PKNOX2: variants seen among roughly 807,000 people sequenced by gnomAD.
PKNOX2 encodes PBX/knotted 1 homeobox 2.
In PKNOX2, 14 loss-of-function variants were observed where a neutral mutation model predicts 53.1. The ratio of observed to expected loss-of-function variants is 0.26; its 90% CI spans 0.17 to 0.41. PKNOX2 has a LOEUF of 0.41. Among genes scored for constraint, PKNOX2 ranks in the 10% least tolerant of loss-of-function variants. The pLI is 1.00. For synonymous variants in PKNOX2, 257 were observed against 242.8 expected, an observed-to-expected ratio of 1.06 and a Z score of -0.54; for missense variants, 496 against 602.8, an observed-to-expected ratio of 0.82 and a Z score of 1.85.
chr11:125,368,154 T>A (rs1472963302), intron 5 of PKNOX2, among the ~76,000 whole-genome samples, 169 bp downstream of exon 5: 2 of 152,170 alleles, frequency 1.3e-5, no homozygotes, highest in African/African-American at 4.8e-5. Flanking sequence ...CCCTCAGCTG[T>A]CCACAGTGAC....
intron 7 of PKNOX2, among the ~76,000 whole-genome samples, chr11:125,401,645 C>G (rs1219185551): frequency 1.3e-5 from 2 of 152,164 alleles, no homozygotes; most frequent in Non-Finnish European, 2.9e-5. Flanking sequence ...CTTGCATGGG[C>G]TCTCCCAGGA....
chr11:125,176,995 C>G (rs1955760160), intron 1 of PKNOX2, among the ~76,000 whole-genome samples: 1 of 152,196 alleles, frequency 6.6e-6, no homozygotes, highest in Non-Finnish European at 1.5e-5. Flanking sequence ...TGGTGATAAC[C>G]TTGCGATGTT....
intron 1 of PKNOX2, among the ~76,000 whole-genome samples, chr11:125,213,802 C>T (rs988838554): frequency 7.2e-5 from 11 of 152,052 alleles, no homozygotes; most frequent in Non-Finnish European, 1.2e-4. Context: ...TCAAATTCTA[C>T]GGCAATTCTG....
chr11:125,416,046 G>A (rs1196440691), intron 10 of PKNOX2, among the ~76,000 whole-genome samples: 1 of 152,148 alleles, frequency 6.6e-6, no homozygotes, highest in Non-Finnish European at 1.5e-5. Context: ...GCTCACGCCT[G>A]TAATCCCAGC....
At chr11:125,348,634 T>C (rs1951124825) in intron 3 of PKNOX2, among the ~76,000 whole-genome samples, 1 of 152,220 alleles carries the variant, frequency 6.6e-6, no homozygotes, top group African/African-American at 2.4e-5. Context: ...CTCCCCTCCT[T>C]AACCCCACAC....
intron 1 of PKNOX2, among the ~76,000 whole-genome samples, chr11:125,199,330 GCCCAGGTACC>G (rs1281090269): frequency 6.6e-6 from 1 of 152,134 alleles, no homozygotes; most frequent in Non-Finnish European, 1.5e-5. Flanking sequence ...TCCCACCATT[GCCCAGGTACC>G]CCCTTCTTGT....
At chr11:125,265,568 C>T (rs1016816274) in intron 2 of PKNOX2, among the ~76,000 whole-genome samples, 2 of 152,182 alleles carry the variant, frequency 1.3e-5, no homozygotes, top group Non-Finnish European at 1.5e-5. Context: ...TGCCGCCTCA[C>T]CCTGCTGGCT....
At chr11:125,200,532 G>A (rs1473490510) in intron 1 of PKNOX2, among the ~76,000 whole-genome samples, 1 of 152,050 alleles carries the variant, frequency 6.6e-6, no homozygotes, top group Non-Finnish European at 1.5e-5. Context: ...GCACCATGCC[G>A]CCCCCTGAGC....
chr11:125,356,038 C>G lies in PKNOX2; in HGVS notation c.87+4646C>G, dbSNP rs565177107. On this transcript the variant is annotated intron_variant, in intron 4 of 12. Transcript: ENST00000298282. ...CACTCTCACTATCAGCACCCCCCCCCCCACAACTTTTCCTCAAACACAGAC... is the reference window on the plus strand; with the variant it reads ...CACTCTCACTATCAGCACCCCCCCCGCCACAACTTTTCCTCAAACACAGAC... Among the ~76,000 whole-genome samples the G allele has an allele frequency of 9.0e-3, 1,332 of 148,754 alleles. 18 individuals are homozygous for G. Among genetic ancestry groups the G allele is most frequent in the African/African-American group, 0.03 (1,223 of 41,020 alleles).
At chr11:125,408,873 GCTT>G (rs1355917833) in intron 7 of PKNOX2, among the ~76,000 whole-genome samples, 1 of 152,152 alleles carries the variant, frequency 6.6e-6, no homozygotes, top group Non-Finnish European at 1.5e-5. Context: ...GAAGACCCAA[GCTT>G]CTTCAAGTCC....
intron 1 of PKNOX2, among the ~76,000 whole-genome samples, chr11:125,197,722 G>T (rs1937903311): frequency 6.6e-6 from 1 of 152,180 alleles, no homozygotes; most frequent in South Asian, 2.1e-4. Flanking sequence ...GGGTTAGCTG[G>T]AAAGTCCCCA....
At chr11:125,243,210 C>T (rs1285512100) in intron 2 of PKNOX2, among the ~76,000 whole-genome samples, 1 of 152,182 alleles carries the variant, frequency 6.6e-6, no homozygotes, top group Non-Finnish European at 1.5e-5. Flanking sequence ...TCATCTAGGC[C>T]TGATTTGAAC....
At position 125,189,447 on chromosome 11, in the gene PKNOX2, G is replaced by GTGTGTGTGTA. The variant is rs1256963392; in HGVS notation, c.-201+24672_-201+24673insGTGTGTGTAT. On this transcript the variant is annotated intron_variant, in intron 1 of 12. Transcript: ENST00000298282. ...TGTGTGTGTGTGTGTGTGTGTGTGT[G>GTGTGTGTGTA]TATATATATATATATATATATATAT... Among the ~76,000 whole-genome samples, 18 of 23,464 alleles carry GTGTGTGTGTA rather than the reference G, an allele frequency of 7.7e-4. 1 individual carries two copies. The highest frequency in any genetic ancestry group is 2.8e-3 in the African/African-American group (18 of 6,378). 15.4% of individuals were successfully genotyped at this position (23,464 alleles called of 152,430 possible).
chr11:125,377,600 C>T (rs750243114), intron 5 of PKNOX2, among the ~76,000 whole-genome samples: 24 of 152,272 alleles, frequency 1.6e-4, no homozygotes, highest in East Asian at 3.9e-4. Flanking sequence ...GACCAGGGTC[C>T]GCCTGCCCTC....
chr11:125,336,742 C>G (rs940332887), intron 3 of PKNOX2, among the ~76,000 whole-genome samples: 2 of 145,660 alleles, frequency 1.4e-5, no homozygotes, highest in Non-Finnish European at 3.0e-5. Context: ...ATACTGTATA[C>G]TACATGATAT....
intron 1 of PKNOX2, among the ~76,000 whole-genome samples, chr11:125,198,825 T>C (rs1236316642): frequency 6.9e-6 from 1 of 145,282 alleles, no homozygotes; most frequent in Non-Finnish European, 1.5e-5. Context: ...TCCTCTTCCT[T>C]CTTCTTCTTC....
intron 5 of PKNOX2, among the ~76,000 whole-genome samples, chr11:125,374,089 A>G (rs1211743883): frequency 6.6e-6 from 1 of 152,084 alleles, no homozygotes; most frequent in Non-Finnish European, 1.5e-5. Flanking sequence ...TTCCTAATGA[A>G]GTGTCTTTGA....
intron 2 of PKNOX2, among the ~76,000 whole-genome samples, chr11:125,274,208 T>G (rs1946008449): frequency 6.6e-6 from 1 of 152,244 alleles, no homozygotes; most frequent in South Asian, 2.1e-4. Flanking sequence ...ATAGAGTAAC[T>G]TGCCCATGGT....
At chr11:125,364,720 G>A (rs1952095010) in intron 4 of PKNOX2, among the ~76,000 whole-genome samples, 1 of 152,216 alleles carries the variant, frequency 6.6e-6, no homozygotes, top group African/African-American at 2.4e-5. Context: ...TCCTCCATCT[G>A]TGAAGCGCTC....
Sources: gnomAD v4.1 joint callset for allele counts (sites outside exome capture counted in the v4.1 genomes callset) on GRCh38, gnomAD v4.1.1 for gene constraint, MANE v1.5 for transcripts, NCBI Gene and HGNC (gene_info 2026-07-23, HGNC 2026-07-21) for gene names.